The following HERPUD2 variants were observed in gnomAD, a reference collection of about 807,000 sequenced individuals.
HERPUD2 encodes the protein homocysteine-responsive endoplasmic reticulum-resident ubiquitin-like domain member 2 protein.
A neutral mutation model predicts 49.9 loss-of-function variants in HERPUD2; 13 were observed. The ratio of observed to expected loss-of-function variants is 0.26; its 90% CI spans 0.17 to 0.41. The LOEUF is 0.41. Ranked by LOEUF, HERPUD2 falls within the 10% of genes least tolerant of loss-of-function variation. The pLI, the probability that HERPUD2 is intolerant of heterozygous loss-of-function variation, is 1.00. For missense variants in HERPUD2, 449 were observed against 492.2 expected, an observed-to-expected ratio of 0.91 and a Z score of 0.83; for synonymous variants, 172 against 171.4, an observed-to-expected ratio of 1.00 and a Z score of -0.03.
intron 6 of HERPUD2, 116 bp downstream of exon 6, chr7:35,638,233 CA>C (rs1784902623): frequency 9.7e-7 from 1 of 1,032,980 alleles, no homozygotes; most frequent in Admixed American, 2.9e-5. Flanking sequence ...TTCCTTTAGT[CA>C]AAACAACATT....
chr7:35,687,243 G>A (rs1273955888), intron 2 of HERPUD2, among the ~76,000 whole-genome samples: 3 of 152,012 alleles, frequency 2.0e-5, no homozygotes, highest in Non-Finnish European at 2.9e-5. Flanking sequence ...AAATCTAAAC[G>A]TACTAGTTAA....
chr7:35,653,866 G>A (rs1012838934), intron 5 of HERPUD2, among the ~76,000 whole-genome samples: 1 of 152,126 alleles, frequency 6.6e-6, no homozygotes, highest in Non-Finnish European at 1.5e-5. Flanking sequence ...GGTGTGTAGT[G>A]GTATGTGCCT....
rs200689648 is a variant in HERPUD2 at position 35,637,176 on chromosome 7, T to A, written c.617+1174A>T. Among the ~76,000 whole-genome samples the A allele has an allele frequency of 4.1e-3, 590 of 144,188 alleles. 1 individual carries two copies. Among genetic ancestry groups the A allele is most frequent in the Middle Eastern group, 7.2e-3 (2 of 278 alleles). The allele number at this position is 144,188 out of a possible 152,430, so 94.6% of individuals were successfully genotyped here. A position where few individuals can be genotyped will look rare whatever the true frequency, so the allele number is the denominator to read the frequency against. ...AAAGAAAGAAAGATAGATAGATAGA[T>A]AGATAGATAGATAGATAGATAGATA... On this transcript the variant is annotated intron_variant, in intron 6 of 8. Transcript: ENST00000311350.
intron 2 of HERPUD2, among the ~76,000 whole-genome samples, chr7:35,685,235 CAA>C (rs768006907): frequency 2.5e-5 from 3 of 118,136 alleles, no homozygotes; most frequent in Admixed American, 8.8e-5. Flanking sequence ...GAGACTGTCT[CAA>C]AAAAAAAAAA....
chr7:35,661,320 C>A (rs1785416863), intron 5 of HERPUD2, among the ~76,000 whole-genome samples: 1 of 152,184 alleles, frequency 6.6e-6, no homozygotes, highest in South Asian at 2.1e-4. Context: ...CGTGATGCCT[C>A]CAACTTTGTT....
chr7:35,663,475 T>C (rs1371639827), intron 5 of HERPUD2, among the ~76,000 whole-genome samples: 1 of 152,140 alleles, frequency 6.6e-6, no homozygotes, highest in Non-Finnish European at 1.5e-5. Context: ...TTCTGTCTCG[T>C]TGATCTGTCT....
intron 2 of HERPUD2, among the ~76,000 whole-genome samples, chr7:35,685,469 G>A (rs535311649): frequency 1.4e-4 from 21 of 151,450 alleles, no homozygotes; most frequent in Admixed American, 2.6e-4. Context: ...GATTACAGGC[G>A]CGTGCCACTA....
At chr7:35,644,165 C>A (rs1381993560) in intron 5 of HERPUD2, among the ~76,000 whole-genome samples, 1 of 151,722 alleles carries the variant, frequency 6.6e-6, no homozygotes, top group Non-Finnish European at 1.5e-5. Flanking sequence ...TAACTTTTAA[C>A]CTAAATTTGA....
Position 35,694,834 on chromosome 7 carries a change from C to A in HERPUD2, c.-331G>T, listed in dbSNP as rs1399744813. 2 of 153,044 alleles carry A rather than the reference C, an allele frequency of 1.3e-5. No homozygotes were observed. Among genetic ancestry groups the A allele is most frequent in the Non-Finnish European group, 2.9e-5 (2 of 68,584 alleles). 9.5% of individuals were successfully genotyped at this position (153,044 alleles called of 1,614,324 possible). The stretch of plus-strand genomic sequence containing the variant: ...AGGCCGCGGGGCCCGCCACCGCCGC[C>A]CTCCGCGCCCAGGCAGGGCCGCCAG... On this transcript the variant is annotated 5_prime_UTR_variant, in exon 1 of 9. Transcript: ENST00000311350.
chr7:35,673,567 T>C (rs1053408096), intron 2 of HERPUD2, among the ~76,000 whole-genome samples: 1 of 152,142 alleles, frequency 6.6e-6, no homozygotes, highest in Non-Finnish European at 1.5e-5. Flanking sequence ...GTCTGTCTTT[T>C]CAACTGTAAT....
In HERPUD2 at chr7:35,694,519, C is replaced by T. The variant is rs942588612; in HGVS notation, c.-189G>A. Reference sequence around the variant, plus strand: ...TACCAAGGATGGACTGAGGTGGTGGCGACTGCGACGGTGGGGTCTGGGTGC... The same window carrying T: ...TACCAAGGATGGACTGAGGTGGTGGTGACTGCGACGGTGGGGTCTGGGTGC... On this transcript the variant is annotated 5_prime_UTR_variant, in exon 2 of 9. Transcript: ENST00000311350. 1.3e-5 allele frequency: 8 copies of T among 612,772 alleles called. No homozygotes were observed. Among genetic ancestry groups the T allele is most frequent in the Non-Finnish European group, 2.3e-5 (8 of 353,406 alleles). 38.0% of individuals were successfully genotyped at this position (612,772 alleles called of 1,614,324 possible).
At chr7:35,657,977 C>T (rs1294783336) in intron 5 of HERPUD2, among the ~76,000 whole-genome samples, 1 of 151,928 alleles carries the variant, frequency 6.6e-6, no homozygotes, top group South Asian at 2.1e-4. Flanking sequence ...ATCCAGCAAT[C>T]CCACTACTAG....
At chr7:35,691,010 G>C (rs540055486) in intron 2 of HERPUD2, among the ~76,000 whole-genome samples, 1 of 152,268 alleles carries the variant, frequency 6.6e-6, no homozygotes, top group African/African-American at 2.4e-5. Flanking sequence ...CATCCCTCCT[G>C]TATAATACTA....
At position 35,633,470 on chromosome 7, in the gene HERPUD2, G is replaced by A. The variant is rs954400406; in HGVS notation, c.*220C>T. On this transcript the variant is annotated 3_prime_UTR_variant, in exon 9 of 9. Transcript: ENST00000311350. ...ACACCTGGAAGACCAATATTGTTAC[G>A]CTATGTTCTGTTAGGATCTTTAAAA... The A allele has an allele frequency of 1.5e-5, 5 of 344,584 alleles. No individual in the cohort carries two copies. The highest frequency in any genetic ancestry group is 1.0e-4 in the South Asian group (2 of 19,790). 21.3% of individuals were successfully genotyped at this position (344,584 alleles called of 1,614,324 possible). A position where few individuals can be genotyped will look rare whatever the true frequency, so the allele number is the denominator to read the frequency against.
intron 7 of HERPUD2, 115 bp downstream of exon 7, chr7:35,635,020 A>C (rs955556675): frequency 6.3e-5 from 45 of 714,756 alleles, no homozygotes; most frequent in Non-Finnish European, 8.6e-5. Flanking sequence ...CCAGATATCT[A>C]AAGCCCAGCA....
intron 2 of HERPUD2, among the ~76,000 whole-genome samples, chr7:35,674,022 A>G (rs1336047005): frequency 6.6e-6 from 1 of 152,142 alleles, no homozygotes; most frequent in Non-Finnish European, 1.5e-5. Flanking sequence ...AAACAGGTGA[A>G]TGTTCTTTGA....
chr7:35,687,442 G>T (rs1468172150), intron 2 of HERPUD2, among the ~76,000 whole-genome samples: 1 of 152,204 alleles, frequency 6.6e-6, no homozygotes, highest in Non-Finnish European at 1.5e-5. Context: ...CCTGGTCACA[G>T]ATGGCAGTGC....
intron 5 of HERPUD2, among the ~76,000 whole-genome samples, chr7:35,664,728 T>C (rs1420394667): frequency 2.0e-5 from 3 of 152,210 alleles, no homozygotes; most frequent in Non-Finnish European, 4.4e-5. Flanking sequence ...TGTGCCATGG[T>C]TTTCAGCTCC....
chr7:35,690,731 G>A (rs1352678213), intron 2 of HERPUD2, among the ~76,000 whole-genome samples: 2 of 152,026 alleles, frequency 1.3e-5, no homozygotes, highest in Admixed American at 1.3e-4. Context: ...ATTGCTTGAA[G>A]GCGGGAGGCA....
Sources: gnomAD v4.1 joint callset for allele counts (sites outside exome capture counted in the v4.1 genomes callset) on GRCh38, gnomAD v4.1.1 for gene constraint, MANE v1.5 for transcripts, NCBI Gene and HGNC (gene_info 2026-07-23, HGNC 2026-07-21) for gene names.